The following MAGI1 variants were observed in gnomAD, a reference collection of about 807,000 sequenced individuals.
MAGI1 encodes membrane-associated guanylate kinase, WW and PDZ domain-containing protein 1.
A neutral mutation model predicts 139.9 loss-of-function variants in MAGI1; 58 were observed. That is an observed-to-expected ratio of 0.41 (90% CI 0.34 to 0.52). The LOEUF is 0.52. Among genes scored for constraint, MAGI1 ranks in the 20% least tolerant of loss-of-function variants. The pLI is 0.12. For synonymous variants in MAGI1, 812 were observed against 737.9 expected, an observed-to-expected ratio of 1.10 and a Z score of -1.63; for missense variants, 1,874 against 1,901.6, an observed-to-expected ratio of 0.99 and a Z score of 0.27.
At chr3:65,766,229 C>G (rs1259495663) in intron 1 of MAGI1, among the ~76,000 whole-genome samples, 1 of 152,162 alleles carries the variant, frequency 6.6e-6, no homozygotes, top group Non-Finnish European at 1.5e-5. Flanking sequence ...TTCTTCAACT[C>G]AGAAATCGGG....
chr3:65,401,367 T>A (rs1944875100), intron 13 of MAGI1, 72 bp downstream of exon 13: 2 of 1,429,978 alleles, frequency 1.4e-6, no homozygotes, highest in Non-Finnish European at 1.9e-6. Flanking sequence ...CCACACAGAG[T>A]ACCCTCCCAC....
intron 1 of MAGI1, among the ~76,000 whole-genome samples, chr3:65,783,502 T>C (rs563000505): frequency 1.3e-5 from 2 of 151,616 alleles, no homozygotes; most frequent in Non-Finnish European, 2.9e-5. Flanking sequence ...AAAAAAAAAT[T>C]TGTCTTGAGA....
At chr3:65,535,234 T>G (rs2078907524) in intron 2 of MAGI1, among the ~76,000 whole-genome samples, 1 of 152,116 alleles carries the variant, frequency 6.6e-6, no homozygotes, top group Non-Finnish European at 1.5e-5. Flanking sequence ...AATTTTCCTT[T>G]TTCCTAAAAG....
chr3:65,849,895 G>C (rs2059146430), intron 1 of MAGI1, among the ~76,000 whole-genome samples: 1 of 152,078 alleles, frequency 6.6e-6, no homozygotes, highest in Non-Finnish European at 1.5e-5. Flanking sequence ...AAAGAAACCA[G>C]CTCTCCCTCT....
intron 1 of MAGI1, among the ~76,000 whole-genome samples, chr3:65,880,938 T>TGTGTGTGTGTGTGTGTGTGTGTG (rs2060303899): frequency 6.6e-6 from 1 of 152,030 alleles, no homozygotes; most frequent in Non-Finnish European, 1.5e-5. Context: ...TGTGTGTATG[T>TGTGTGTGTGTGTGTGTGTGTGTG]AACAGGGTCT....
chr3:65,884,019 T>C (rs79499140), intron 1 of MAGI1, among the ~76,000 whole-genome samples: 4,132 of 151,836 alleles, frequency 0.027, 164 homozygotes, highest in East Asian at 0.14. Context: ...GAAAATGAAA[T>C]GAGACTCTAG....
chr3:65,669,606 T>C (rs909886843), intron 1 of MAGI1, among the ~76,000 whole-genome samples: 3 of 152,184 alleles, frequency 2.0e-5, no homozygotes, highest in South Asian at 2.1e-4. Context: ...AGCCATTGCT[T>C]TGATTGTGTT....
At chr3:65,791,164 G>A (rs959732831) in intron 1 of MAGI1, among the ~76,000 whole-genome samples, 1 of 152,174 alleles carries the variant, frequency 6.6e-6, no homozygotes, top group African/African-American at 2.4e-5. Flanking sequence ...CACAGCGCGT[G>A]CTGTCCATGC....
chr3:65,988,703 A>C (rs992872521), intron 1 of MAGI1, among the ~76,000 whole-genome samples: 13 of 152,340 alleles, frequency 8.5e-5, no homozygotes, highest in East Asian at 1.9e-4. Context: ...TTCTGAGGAC[A>C]ATCAACAGTC....
intron 1 of MAGI1, among the ~76,000 whole-genome samples, chr3:65,637,063 C>T (rs917812029): frequency 2.0e-5 from 3 of 152,184 alleles, no homozygotes; most frequent in African/African-American, 7.2e-5. Context: ...GGACATTCAG[C>T]CTCCCTGTTC....
At chr3:65,525,707 G>C (rs910629925) in intron 2 of MAGI1, among the ~76,000 whole-genome samples, 21 of 152,248 alleles carry the variant, frequency 1.4e-4, no homozygotes, top group African/African-American at 4.3e-4. Context: ...AAAAACAAAA[G>C]AACAAAACAA....
At chr3:65,531,645 C>T (rs1379161798) in intron 2 of MAGI1, among the ~76,000 whole-genome samples, 1 of 152,126 alleles carries the variant, frequency 6.6e-6, no homozygotes, top group Non-Finnish European at 1.5e-5. Flanking sequence ...AGATGAAGCA[C>T]TTAGGGCATC....
chr3:65,466,120 T>G (rs1349852814), intron 5 of MAGI1, among the ~76,000 whole-genome samples: 1 of 152,216 alleles, frequency 6.6e-6, no homozygotes, highest in African/African-American at 2.4e-5. Context: ...TATTTTTGGC[T>G]GAAACATTCT....
chr3:65,818,087 C>T (rs1381610212), intron 1 of MAGI1, among the ~76,000 whole-genome samples: 1 of 148,758 alleles, frequency 6.7e-6, no homozygotes, highest in East Asian at 2.0e-4. Flanking sequence ...TTTGACTTTC[C>T]TTTGTTAAAG....
intron 1 of MAGI1, among the ~76,000 whole-genome samples, chr3:65,719,246 T>C (rs1352571912): frequency 6.6e-6 from 1 of 151,850 alleles, no homozygotes; most frequent in Non-Finnish European, 1.5e-5. Flanking sequence ...TATGGATATA[T>C]ATTACATACA....
chr3:65,856,875 G>A (rs1552967), intron 1 of MAGI1, among the ~76,000 whole-genome samples: 10 of 152,158 alleles, frequency 6.6e-5, no homozygotes, highest in South Asian at 4.1e-4. Context: ...TTCATGAGAC[G>A]CCTAACGGAA....
intron 1 of MAGI1, among the ~76,000 whole-genome samples, chr3:66,018,951 TATCCA>T (rs66506190): frequency 0.071 from 10,841 of 152,230 alleles, 458 homozygotes; most frequent in East Asian, 0.16. Flanking sequence ...CCCTGAGCCA[TATCCA>T]ATTGGAAGGT....
intron 2 of MAGI1, among the ~76,000 whole-genome samples, chr3:65,574,680 G>A (rs1199912121): frequency 6.6e-6 from 1 of 151,818 alleles, no homozygotes; most frequent in Non-Finnish European, 1.5e-5. Flanking sequence ...GAATAAAGTT[G>A]GAAAACTAAT....
chr3:65,789,289 G>A (rs1362152415), intron 1 of MAGI1, among the ~76,000 whole-genome samples: 1 of 152,178 alleles, frequency 6.6e-6, no homozygotes, highest in Non-Finnish European at 1.5e-5. Flanking sequence ...CACCAGTCCT[G>A]TGGTATTCTT....
Sources: allele counts gnomAD v4.1 joint callset (sites outside exome capture counted in the v4.1 genomes callset), GRCh38; gene constraint gnomAD v4.1.1; transcripts MANE v1.5; gene names NCBI Gene and HGNC (gene_info 2026-07-23, HGNC 2026-07-21).